ZBTB22: variants seen among roughly 807,000 people sequenced by gnomAD.
ZBTB22 encodes zinc finger and BTB domain-containing protein 22.
For missense variants in ZBTB22, 668 were observed against 834.1 expected (o/e 0.80, Z 2.45); for synonymous variants, 356 against 347.3 (o/e 1.03, Z -0.28).
Position 33,315,234 on chromosome 6 carries a change from T to C in ZBTB22, c.1683A>G (p.Gly561=). ...MWRDSFMRHR[G]HCERRHRLGG... Reference sequence around the variant, plus strand: ...CCAGGCGGTGCCGGCGCTCACAGTGTCCTCGGTGGCGCATGAAGCTGTCTC... The same window carrying C: ...CCAGGCGGTGCCGGCGCTCACAGTGCCCTCGGTGGCGCATGAAGCTGTCTC... The change falls in exon 2 of 2, where the codon GGA becomes GGG. Residue 561 remains glycine (G), a synonymous_variant. Coordinates refer to ENST00000431845, the MANE Select transcript of ZBTB22 (RefSeq NM_005453.5). The surrounding 1 kb of genome is among the most constrained non-coding windows in gnomAD (Gnocchi z 5.4). 1 of 1,613,308 alleles carries C rather than the reference T, an allele frequency of 6.2e-7. No homozygotes were observed. Among genetic ancestry groups the C allele is most frequent in the Non-Finnish European group, 8.5e-7 (1 of 1,179,880 alleles).
rs1562705642 is a variant in ZBTB22 at position 33,315,044 on chromosome 6, T to C, written c.1873A>G (p.Met625Val). 1.3e-6 allele frequency: 2 copies of C among 1,570,796 alleles called. No individual in the cohort carries two copies. The highest frequency in any genetic ancestry group is 1.7e-6 in the Non-Finnish European group (2 of 1,155,168). Residue 625 changes from methionine (M) to valine (V), a missense_variant, in exon 2 of 2, where the codon ATG becomes GTG. Met to Val is a conservative substitution (Grantham distance 21). Coordinates refer to ENST00000431845, the MANE Select transcript of ZBTB22 (RefSeq NM_005453.5). The surrounding 1 kb of genome is among the most constrained non-coding windows in gnomAD (Gnocchi z 5.4). ...GCTCCTCCACCTCCACCGAAGCCCA[T>C]CTCCACCTTGTGGACTCTGGGTGGG... ...WSPPRVHKVEMGFGGGGGAN is the reference protein window; with the variant it reads ...WSPPRVHKVEVGFGGGGGAN
Position 33,315,864 on chromosome 6 carries a change from C to T in ZBTB22, c.1053G>A (p.Gly351=), listed in dbSNP as rs1769828775. The T allele has an allele frequency of 2.5e-6, 4 of 1,613,572 alleles. No homozygotes were observed. The African/African-American group carries it at 4.0e-5, about 16-fold the overall frequency. ...GGSSRVPVGG[G]PEATLSISDV... is the part of the protein sequence containing the mutation. ...CACTTATGCTGAGGGTAGCCTCAGG[C>T]CCTCCCCCCACTGGAACCCTGGAGC... Residue 351 remains glycine (G), a synonymous_variant, in exon 2 of 2, where the codon GGG becomes GGA. Transcript: ENST00000431845. This position sits in a 1 kb window ranked among gnomAD's most constrained non-coding sequence, Gnocchi z 5.4.
chr6:33,316,727 G>A lies in ZBTB22; in HGVS notation c.190C>T (p.Gln64Ter). 1 of 1,614,194 alleles carries A rather than the reference G, an allele frequency of 6.2e-7. No homozygotes were observed. Among genetic ancestry groups the A allele is most frequent in the Non-Finnish European group, 8.5e-7 (1 of 1,180,034 alleles). Residue 64 changes from glutamine to a stop codon, truncating the protein, a stop_gained, in exon 2 of 2, where the codon CAG (glutamine) becomes TAG (stop). Transcript: ENST00000431845. LOFTEE classifies it low-confidence loss of function (END_TRUNC). The surrounding 1 kb of genome is among the most constrained non-coding windows in gnomAD (Gnocchi z 7.2). ...CGATGAGCCCGGAACTCCCGGCCCTGCACTCTGATAGATACATCGCAGAGC... is the reference window on the plus strand; with the variant it reads ...CGATGAGCCCGGAACTCCCGGCCCTACACTCTGATAGATACATCGCAGAGC... ...GQLCDVSIRVQGREFRAHRAV... is the reference protein window; with the variant it reads ...GQLCDVSIRV
rs1218218359 is a variant in ZBTB22 at position 33,314,927 on chromosome 6, G to C, written c.*85C>G. The C allele has an allele frequency of 2.0e-6, 3 of 1,504,202 alleles. No individual in the cohort carries two copies. Among genetic ancestry groups the C allele is most frequent in the Non-Finnish European group, 2.7e-6 (3 of 1,126,140 alleles). The allele number at this position is 1,504,202 out of a possible 1,614,324, so 93.2% of individuals were successfully genotyped here. ...TAAAGGAAGACAGTAAGTGTGGTGG[G>C]AGATCACCCGGGGGCCACAGCGCCC... is the stretch of plus-strand genomic sequence containing the variant. On this transcript the variant is annotated 3_prime_UTR_variant, in exon 2 of 2. Coordinates refer to ENST00000431845, the MANE Select transcript of ZBTB22 (RefSeq NM_005453.5).
Position 33,315,967 on chromosome 6 carries a change from G to T in ZBTB22, c.950C>A (p.Pro317Gln). The T allele has an allele frequency of 6.2e-7, 1 of 1,614,014 alleles. No homozygotes were observed. Among genetic ancestry groups the T allele is most frequent in the Non-Finnish European group, 8.5e-7 (1 of 1,180,002 alleles). The change falls in exon 2 of 2, where the codon CCA (proline) becomes CAA (glutamine). Residue 317 changes from proline to glutamine, a missense_variant. Coordinates refer to ENST00000431845, the MANE Select transcript of ZBTB22 (RefSeq NM_005453.5). This position sits in a 1 kb window ranked among gnomAD's most constrained non-coding sequence, Gnocchi z 5.4. ...CTCCTCCTCTTCCTCCTCCAGATCT[G>T]GGTCTTGGGGAACCAGGGGTGTTGG... ...PAPTPLVPQDPDLEEEEEEED... is the reference protein window; with the variant it reads ...PAPTPLVPQDQDLEEEEEEED...
At position 33,315,544 on chromosome 6, in the gene ZBTB22, C is replaced by A. The variant is rs769351005; in HGVS notation, c.1373G>T (p.Gly458Val). The change falls in exon 2 of 2, where the codon GGC becomes GTC. Residue 458 changes from glycine (G) to valine (V), a missense_variant. By Grantham distance (109) the Gly-to-Val change is moderately radical. Coordinates refer to ENST00000431845, the MANE Select transcript of ZBTB22 (RefSeq NM_005453.5). This position sits in a 1 kb window ranked among gnomAD's most constrained non-coding sequence, Gnocchi z 5.4. ...QAEHGAVTVG[G>V]TSVGSLGVPG... is the part of the protein sequence containing the mutation. ...CACACCCAGGCTCCCCACCGACGTG[C>A]CCCCCACGGTCACTGCCCCGTGTTC... is the stretch of plus-strand genomic sequence containing the variant. The A allele has an allele frequency of 3.7e-6, 6 of 1,613,860 alleles. No homozygotes were observed. The highest frequency in any genetic ancestry group is 5.1e-6 in the Non-Finnish European group (6 of 1,179,986).
chr6:33,315,703 G>C lies in ZBTB22; in HGVS notation c.1214C>G (p.Ser405Cys). The change falls in exon 2 of 2, where the codon TCT becomes TGT. Residue 405 changes from serine to cysteine, a missense_variant. Transcript: ENST00000431845. This position sits in a 1 kb window ranked among gnomAD's most constrained non-coding sequence, Gnocchi z 5.4. Reference sequence around the variant, plus strand: ...AGGAGGGTGGGAGGGGGCATAGGAAGAGGGAGTTGGCCCCCCTGAGTCATC... The same window carrying C: ...AGGAGGGTGGGAGGGGGCATAGGAACAGGGAGTTGGCCCCCCTGAGTCATC... Reference protein sequence around the residue: ...GLDDSGGPTPSSYAPSHPPRP... With the variant: ...GLDDSGGPTPCSYAPSHPPRP... 1 of 1,613,162 alleles carries C rather than the reference G, an allele frequency of 6.2e-7. No individual in the cohort carries two copies. The highest frequency in any genetic ancestry group is 8.5e-7 in the Non-Finnish European group (1 of 1,179,474).
At chr6:33,317,568 G>GCC (rs1217368562) in intron 1 of ZBTB22, 85 bp downstream of exon 1, 1 of 53,090 alleles carries the variant, frequency 1.9e-5, no homozygotes, top group Non-Finnish European at 3.6e-5. Flanking sequence ...AACGGACCCC[G>GCC]CCCCCCCCCG....
rs765919828 is a variant in ZBTB22 at position 33,315,569 on chromosome 6, C to G, written c.1348G>C (p.Glu450Gln). ...APGQPPGNQA[E>Q]HGAVTVGGTS... Reference sequence around the variant, plus strand: ...CCCCCCACGGTCACTGCCCCGTGTTCTGCTTGGTTCCCTGGTGGTTGGCCA... The same window carrying G: ...CCCCCCACGGTCACTGCCCCGTGTTGTGCTTGGTTCCCTGGTGGTTGGCCA... Residue 450 changes from glutamate (E) to glutamine (Q), a missense_variant, in exon 2 of 2, where the codon GAA becomes CAA. Physicochemically the swap from Glu to Gln is conservative, Grantham distance 29. Transcript: ENST00000431845. The surrounding 1 kb of genome is among the most constrained non-coding windows in gnomAD (Gnocchi z 5.4). The G allele has an allele frequency of 2.5e-6, 4 of 1,613,886 alleles. No individual in the cohort carries two copies. The highest frequency in any genetic ancestry group is 3.4e-6 in the Non-Finnish European group (4 of 1,180,026).
Position 33,315,465 on chromosome 6 carries a change from C to T in ZBTB22, c.1452G>A (p.Lys484=). The T allele has an allele frequency of 4.3e-6, 7 of 1,614,120 alleles. No individual in the cohort carries two copies. The Middle Eastern group carries it at 9.9e-4, about 228-fold the overall frequency. The change falls in exon 2 of 2, where the codon AAG becomes AAA. Residue 484 remains lysine, a synonymous_variant. Coordinates refer to ENST00000431845, the MANE Select transcript of ZBTB22 (RefSeq NM_005453.5). The surrounding 1 kb of genome is among the most constrained non-coding windows in gnomAD (Gnocchi z 5.4). The part of the protein sequence containing the change: ...PGGTGSGDGN[K]IFLCHCGKAF... ...CCTTCCCACAATGGCACAGAAAGAT[C>T]TTATTCCCGTCCCCACTGCCAGTCC...
chr6:33,314,817 T>TGG lies in ZBTB22; in HGVS notation c.*193_*194dup. 9.0e-7 allele frequency: 1 copy of TGG among 1,111,594 alleles called. No individual in the cohort carries two copies. The highest frequency in any genetic ancestry group is 1.2e-6 in the Non-Finnish European group (1 of 820,884). 68.9% of individuals were successfully genotyped at this position (1,111,594 alleles called of 1,614,324 possible). A position where few individuals can be genotyped will look rare whatever the true frequency, so the allele number is the denominator to read the frequency against. On this transcript the variant is annotated 3_prime_UTR_variant, in exon 2 of 2. Transcript: ENST00000431845. ...GAAGGGTTTAGTTCTGGAAATACCT[T>TGG]GGGGGGGAGGGGTTGAGTAGTAGAA...
At position 33,314,959 on chromosome 6, in the gene ZBTB22, C is replaced by T; in HGVS notation, c.*53G>A. ...CCCGGGGGCCACAGCGCCCTTGCAT[C>T]GTGCTCCTTATTCCCTTTCCCGAAA... On this transcript the variant is annotated 3_prime_UTR_variant, in exon 2 of 2. Coordinates refer to ENST00000431845, the MANE Select transcript of ZBTB22 (RefSeq NM_005453.5). 2 of 1,514,610 alleles carry T rather than the reference C, an allele frequency of 1.3e-6. No individual in the cohort carries two copies. Among genetic ancestry groups the T allele is most frequent in the Admixed American group, 2.3e-5 (1 of 44,118 alleles). 93.8% of individuals were successfully genotyped at this position (1,514,610 alleles called of 1,614,324 possible).
In ZBTB22 at chr6:33,316,939, C is replaced by A; in HGVS notation, c.-23G>T. The stretch of plus-strand genomic sequence containing the variant: ...CATGTTGTGGAGGGAGGGGATACCC[C>A]CCCAGCCACAGGAACAAAGAAAGGA... On this transcript the variant is annotated 5_prime_UTR_variant, in exon 2 of 2. Transcript: ENST00000431845. The surrounding 1 kb of genome is among the most constrained non-coding windows in gnomAD (Gnocchi z 7.2). 6.5e-7 allele frequency: 1 copy of A among 1,537,472 alleles called. No homozygotes were observed. Among genetic ancestry groups the A allele is most frequent in the Non-Finnish European group, 8.7e-7 (1 of 1,144,864 alleles).
At position 33,316,155 on chromosome 6, in the gene ZBTB22, A is replaced by G. The variant is rs1562709610; in HGVS notation, c.762T>C (p.Ser254=). Residue 254 remains serine (S), a synonymous_variant, in exon 2 of 2, where the codon TCT becomes TCC. Coordinates refer to ENST00000431845, the MANE Select transcript of ZBTB22 (RefSeq NM_005453.5). The surrounding 1 kb of genome is among the most constrained non-coding windows in gnomAD (Gnocchi z 7.2). ...CATCTGCCTCCAGCAGCAGCTTTCC[A>G]GATGTGGCCCCTCCACTGCCAACGA... ...APVVGSGGAT[S]GKLLLEADEL... is the part of the protein sequence containing the mutation. 1.2e-6 allele frequency: 2 copies of G among 1,613,752 alleles called. No individual in the cohort carries two copies. Among genetic ancestry groups the G allele is most frequent in the South Asian group, 2.2e-5 (2 of 91,082 alleles).
chr6:33,315,606 G>A lies in ZBTB22; in HGVS notation c.1311C>T (p.Ser437=). 1.2e-6 allele frequency: 2 copies of A among 1,614,034 alleles called. No homozygotes were observed. The highest frequency in any genetic ancestry group is 1.3e-5 in the African/African-American group (1 of 75,000). Residue 437 remains serine, a synonymous_variant, in exon 2 of 2, where the codon TCC becomes TCT. Coordinates refer to ENST00000431845, the MANE Select transcript of ZBTB22 (RefSeq NM_005453.5). The surrounding 1 kb of genome is among the most constrained non-coding windows in gnomAD (Gnocchi z 5.4). The part of the protein sequence containing the change: ...LVFPSSSSSS[S]SQAPGQPPGN... ...CTGGTGGTTGGCCAGGAGCCTGTGAGGATGAGGATGAAGACGACGACGGGA... is the reference window on the plus strand; with the variant it reads ...CTGGTGGTTGGCCAGGAGCCTGTGAAGATGAGGATGAAGACGACGACGGGA...
Position 33,316,013 on chromosome 6 carries a change from G to A in ZBTB22, c.904C>T (p.Arg302Ter). ...MPQKHWVYVK[R>*]GGNCPAPTPL... ...GTTGGCGCTGGGCAATTACCACCTCGCTTCACGTATACCCAGTGTTTCTGT... is the reference window on the plus strand; with the variant it reads ...GTTGGCGCTGGGCAATTACCACCTCACTTCACGTATACCCAGTGTTTCTGT... The change falls in exon 2 of 2, where the codon CGA becomes TGA. Residue 302 changes from arginine to a stop codon, truncating the protein, a stop_gained. Coordinates refer to ENST00000431845, the MANE Select transcript of ZBTB22 (RefSeq NM_005453.5). LOFTEE classifies it low-confidence loss of function (END_TRUNC). The surrounding 1 kb of genome is among the most constrained non-coding windows in gnomAD (Gnocchi z 7.2). 6.2e-7 allele frequency: 1 copy of A among 1,614,018 alleles called. No individual in the cohort carries two copies. Among genetic ancestry groups the A allele is most frequent in the Non-Finnish European group, 8.5e-7 (1 of 1,179,988 alleles).
Position 33,315,078 on chromosome 6 carries a change from A to G in ZBTB22, c.1839T>C (p.Arg613=), listed in dbSNP as rs370746013. The G allele has an allele frequency of 6.2e-6, 10 of 1,604,014 alleles. No individual in the cohort carries two copies. The highest frequency in any genetic ancestry group is 1.3e-5 in the African/African-American group (1 of 74,538). ...ASAATPPSSR[R]VWSPPRVHKV... ...TGTGGACTCTGGGTGGGGACCAGAC[A>G]CGTCTGCTGGACGGGGGCGTGGCCG... Residue 613 remains arginine (R), a synonymous_variant, in exon 2 of 2, where the codon CGT becomes CGC. Transcript: ENST00000431845. This position sits in a 1 kb window ranked among gnomAD's most constrained non-coding sequence, Gnocchi z 5.4.
In ZBTB22 at chr6:33,316,960, A is replaced by C; in HGVS notation, c.-44T>G. ...ACCCCCCCAGCCACAGGAACAAAGAAAGGAGGAGGGCGGCCGGGGGGGTCT... is the reference window on the plus strand; with the variant it reads ...ACCCCCCCAGCCACAGGAACAAAGACAGGAGGAGGGCGGCCGGGGGGGTCT... On this transcript the variant is annotated 5_prime_UTR_variant, in exon 2 of 2. Coordinates refer to ENST00000431845, the MANE Select transcript of ZBTB22 (RefSeq NM_005453.5). The surrounding 1 kb of genome is among the most constrained non-coding windows in gnomAD (Gnocchi z 7.2). The C allele has an allele frequency of 1.3e-6, 2 of 1,516,750 alleles. No homozygotes were observed. 94.0% of individuals were successfully genotyped at this position (1,516,750 alleles called of 1,614,324 possible).
In ZBTB22 at chr6:33,316,668, A is replaced by G. The variant is rs1769900487; in HGVS notation, c.249T>C (p.His83=). Residue 83 remains histidine, a synonymous_variant, in exon 2 of 2, where the codon CAT becomes CAC. Transcript: ENST00000431845. This position sits in a 1 kb window ranked among gnomAD's most constrained non-coding sequence, Gnocchi z 7.2. ...AVLAASSPYF[H]DQVLLKGMTS... ...TCATGCCTTTGAGTAGGACCTGATCATGGAAGTAAGGGGAGGAGGCAGCCA... is the reference window on the plus strand; with the variant it reads ...TCATGCCTTTGAGTAGGACCTGATCGTGGAAGTAAGGGGAGGAGGCAGCCA... 1.2e-6 allele frequency: 2 copies of G among 1,614,086 alleles called. No individual in the cohort carries two copies. Among genetic ancestry groups the G allele is most frequent in the Admixed American group, 1.7e-5 (1 of 60,010 alleles).
Sources: gnomAD v4.1 joint callset for allele counts on GRCh38, gnomAD v4.1.1 for gene constraint, Gnocchi (gnomAD v3.1) non-coding constraint, MANE v1.5 for transcripts, NCBI Gene and HGNC (gene_info 2026-07-23, HGNC 2026-07-21) for gene names.